The following GTF2F2 variants were observed in gnomAD, a reference collection of about 807,000 sequenced individuals.
The protein encoded by GTF2F2 is ATP-dependent helicase GTF2F2.
In GTF2F2, 23 loss-of-function variants were observed where a neutral mutation model predicts 42.2. The ratio of observed to expected loss-of-function variants is 0.55; its 90% CI spans 0.39 to 0.77. GTF2F2 has a LOEUF of 0.77. Ranked by LOEUF, GTF2F2 falls within the 30% of genes least tolerant of loss-of-function variation. The pLI, the probability that GTF2F2 is intolerant of heterozygous loss-of-function variation, is 0.00. For synonymous variants in GTF2F2, 105 were observed against 100.8 expected, an observed-to-expected ratio of 1.04 and a Z score of -0.25; for missense variants, 261 against 287.2, an observed-to-expected ratio of 0.91 and a Z score of 0.66.
At chr13:45,240,850 A>G (rs977125083) in intron 5 of GTF2F2, among the ~76,000 whole-genome samples, 1 of 143,268 alleles carries the variant, frequency 7.0e-6, no homozygotes, top group African/African-American at 2.6e-5. Context: ...AGAAAATTAT[A>G]AATTCTTGTC....
At chr13:45,173,351 A>G (rs1381696767) in intron 4 of GTF2F2, among the ~76,000 whole-genome samples, 1 of 143,204 alleles carries the variant, frequency 7.0e-6, no homozygotes, top group Non-Finnish European at 1.6e-5. Context: ...AGATTTCCCT[A>G]GTTTTACTTG....
intron 1 of GTF2F2, among the ~76,000 whole-genome samples, chr13:45,127,956 T>C (rs866534620): frequency 2.7e-4 from 36 of 135,106 alleles, no homozygotes; most frequent in South Asian, 1.3e-3. Flanking sequence ...TTTTTTTTTT[T>C]TTTTTTTTTT....
intron 6 of GTF2F2, among the ~76,000 whole-genome samples, chr13:45,258,500 A>G (rs1183197128): frequency 2.0e-5 from 3 of 152,172 alleles, no homozygotes; most frequent in Non-Finnish European, 4.4e-5. Flanking sequence ...CCTTACCACC[A>G]AGGCTAGAGT....
intron 6 of GTF2F2, among the ~76,000 whole-genome samples, chr13:45,266,047 G>C (rs1876547436): frequency 6.6e-6 from 1 of 152,206 alleles, no homozygotes. Context: ...TAAAAAGGGT[G>C]ATGTTTTACA....
At chr13:45,255,288 G>A (rs995392754) in intron 6 of GTF2F2, among the ~76,000 whole-genome samples, 1 of 151,684 alleles carries the variant, frequency 6.6e-6, no homozygotes, top group African/African-American at 2.4e-5. Flanking sequence ...TATGAAAGTA[G>A]CAAATGCCAC....
intron 4 of GTF2F2, among the ~76,000 whole-genome samples, chr13:45,182,498 G>A (rs1872214680): frequency 6.6e-6 from 1 of 151,998 alleles, no homozygotes; most frequent in South Asian, 2.1e-4. Context: ...TTGGTACTGT[G>A]GGGAAACAGA....
chr13:45,202,012 A>G (rs7993361), intron 4 of GTF2F2, among the ~76,000 whole-genome samples: 53,859 of 151,752 alleles, frequency 0.35, 13,110 homozygotes, highest in African/African-American at 0.69. Flanking sequence ...CACCTTCAGT[A>G]CTCTTCCTTC....
chr13:45,208,445 T>G (rs1164004007), intron 5 of GTF2F2, among the ~76,000 whole-genome samples: 1 of 152,204 alleles, frequency 6.6e-6, no homozygotes, highest in Non-Finnish European at 1.5e-5. Flanking sequence ...AGAATTATAC[T>G]TTTTTTGTTC....
rs533478138 is a variant in GTF2F2, at chr13:45,193,923, G to A, written c.305-13501G>A. On this transcript the variant is annotated intron_variant, in intron 4 of 7. Coordinates refer to ENST00000340473, the MANE Select transcript of GTF2F2 (RefSeq NM_004128.3). ...TAAGAGTTTCCAAGGTACAGACAAA[G>A]GTGTTGTCTTCCTTTAGTACAAGTC... is the stretch of plus-strand genomic sequence containing the variant. 1.7e-4 allele frequency: 275 copies of A among 1,614,040 alleles called. 5 individuals are homozygous for A. In the Admixed American group the frequency reaches 4.5e-3, roughly 27 times the overall value.
intron 2 of GTF2F2, among the ~76,000 whole-genome samples, chr13:45,142,617 T>C (rs1382918517): frequency 1.3e-5 from 2 of 152,228 alleles, no homozygotes; most frequent in Non-Finnish European, 2.9e-5. Context: ...ATCAGTCTTG[T>C]AGAAGATCTA....
chr13:45,277,321 G>T (rs546880494), intron 7 of GTF2F2, among the ~76,000 whole-genome samples: 3 of 152,280 alleles, frequency 2.0e-5, no homozygotes, highest in East Asian at 3.9e-4. Context: ...CTTCTGGGTA[G>T]GCCACAGGAA....
At chr13:45,190,768 T>G (rs1441756413) in intron 4 of GTF2F2, among the ~76,000 whole-genome samples, 1 of 151,988 alleles carries the variant, frequency 6.6e-6, no homozygotes, top group Non-Finnish European at 1.5e-5. Context: ...TTTGTTTTTT[T>G]TGAGACAGAA....
intron 5 of GTF2F2, among the ~76,000 whole-genome samples, chr13:45,237,948 C>CTGTTTGTTTGTTTGTT (rs58903659): frequency 6.0e-5 from 9 of 151,038 alleles, no homozygotes; most frequent in African/African-American, 2.2e-4. Context: ...GAAAAGGTTT[C>CTGTTTGTTTGTTTGTT]TGTTTGTTTG....
At chr13:45,277,240 A>G (rs1334150064) in intron 7 of GTF2F2, among the ~76,000 whole-genome samples, 1 of 152,216 alleles carries the variant, frequency 6.6e-6, no homozygotes, top group Non-Finnish European at 1.5e-5. Context: ...TGGGTAATTT[A>G]TAAAGAAGAG....
intron 4 of GTF2F2, among the ~76,000 whole-genome samples, chr13:45,188,296 G>A (rs779238198): frequency 6.2e-4 from 95 of 152,286 alleles, no homozygotes; most frequent in Non-Finnish European, 4.6e-4. Context: ...AAAGTCCCAA[G>A]AAACCTATTA....
chr13:45,199,184 A>G (rs534778661), intron 4 of GTF2F2, among the ~76,000 whole-genome samples: 3 of 152,366 alleles, frequency 2.0e-5, no homozygotes, highest in Admixed American at 6.5e-5. Flanking sequence ...CAAAGAATAC[A>G]GCTGTAAATA....
intron 4 of GTF2F2, among the ~76,000 whole-genome samples, chr13:45,191,257 C>G (rs950874697): frequency 3.9e-5 from 3 of 77,880 alleles, no homozygotes; most frequent in African/African-American, 2.2e-4. Context: ...ATATATATAG[C>G]CATAATCTCA....
intron 4 of GTF2F2, chr13:45,207,180 A>T: frequency 2.4e-6 from 1 of 422,298 alleles, no homozygotes; most frequent in South Asian, 4.1e-5. Context: ...AGTGTATAAA[A>T]GCTGTTCCTG....
chr13:45,177,470 A>T (rs762012933), intron 4 of GTF2F2, among the ~76,000 whole-genome samples: 1 of 152,208 alleles, frequency 6.6e-6, no homozygotes, highest in African/African-American at 2.4e-5. Flanking sequence ...GGGCCATCTT[A>T]GTTCATTCTG....
Sources: gnomAD v4.1 joint callset for allele counts (sites outside exome capture counted in the v4.1 genomes callset) on GRCh38, gnomAD v4.1.1 for gene constraint, MANE v1.5 for transcripts, NCBI Gene and HGNC (gene_info 2026-07-23, HGNC 2026-07-21) for gene names.